Variants in TDRD5 observed in about 807,000 individuals in gnomAD.
TDRD5 encodes tudor domain containing 5, also known as tudor domain-containing protein 5.
Under a neutral mutation model 120.6 loss-of-function variants are expected in TDRD5, and 41 were observed. The ratio of observed to expected loss-of-function variants is 0.34; its 90% CI spans 0.26 to 0.44. The LOEUF is 0.44. TDRD5 is among the 20% of genes least tolerant of loss of function. The pLI, the probability that TDRD5 is intolerant of heterozygous loss-of-function variation, is 1.00. For synonymous variants in TDRD5, 430 were observed against 433.7 expected (o/e 0.99, Z 0.11); for missense variants, 1,006 against 1,221.2 (o/e 0.82, Z 2.63).
chr1:179,633,947 A>G (rs903235663), intron 7 of TDRD5, among the ~76,000 whole-genome samples: 5 of 151,740 alleles, frequency 3.3e-5, no homozygotes, highest in Non-Finnish European at 7.4e-5. Context: ...CGAGGCGGGC[A>G]GATCACGAGG....
At chr1:179,666,013 T>A (rs1679537979) in intron 16 of TDRD5, among the ~76,000 whole-genome samples, 1 of 152,168 alleles carries the variant, frequency 6.6e-6, no homozygotes, top group East Asian at 1.9e-4. Flanking sequence ...CATTCCAAAT[T>A]TTTTTAATCC....
rs373259964 is a variant in TDRD5 at position 179,635,660 on chromosome 1, C to A, written c.1300-7C>A. The stretch of plus-strand genomic sequence containing the variant: ...GAGATTTTTAATTTTTTTTTTCTAA[C>A]TTATAGCAAGTAGAAACAAACAAAT... On this transcript the variant is annotated splice_polypyrimidine_tract_variant and splice_region_variant and intron_variant, in intron 8 of 17. Transcript: ENST00000444136. 28 of 1,609,950 alleles carry A rather than the reference C, an allele frequency of 1.7e-5. No homozygotes were observed. The highest frequency in any genetic ancestry group is 2.3e-5 in the Non-Finnish European group (27 of 1,178,448).
chr1:179,661,746 AG>A (rs1430689271), intron 14 of TDRD5, among the ~76,000 whole-genome samples: 3 of 152,080 alleles, frequency 2.0e-5, no homozygotes, highest in Non-Finnish European at 4.4e-5. Context: ...AAAACCTTTT[AG>A]TACAAATTTC....
chr1:179,631,219 G>A (rs144428836), intron 7 of TDRD5, among the ~76,000 whole-genome samples: 1,532 of 152,082 alleles, frequency 0.01, 31 homozygotes, highest in African/African-American at 0.034. Context: ...GTGAAACCCC[G>A]TCTCTACTAA....
At chr1:179,679,171 G>T (rs1475149333) in intron 17 of TDRD5, among the ~76,000 whole-genome samples, 1 of 152,034 alleles carries the variant, frequency 6.6e-6, no homozygotes, top group Non-Finnish European at 1.5e-5. Flanking sequence ...GAATTATATC[G>T]ATTTTCAAAT....
chr1:179,634,557 T>G lies in TDRD5; in HGVS notation c.1227T>G (p.Pro409=), dbSNP rs1677654339. Residue 409 remains proline, a synonymous_variant, in exon 8 of 18, where the codon CCT becomes CCG. Transcript: ENST00000444136. ...AAVKETVWNC[P]SKKQKEPQQK... ...TCAAAGAGACTGTATGGAATTGCCC[T>G]TCAAAAAAACAAAAAGAGCCACAAC... 6.2e-7 allele frequency: 1 copy of G among 1,613,736 alleles called. No homozygotes were observed. Among genetic ancestry groups the G allele is most frequent in the South Asian group, 1.1e-5 (1 of 91,006 alleles).
Position 179,690,724 on chromosome 1 carries a change from T to C in TDRD5, c.2889T>C (p.Asn963=), listed in dbSNP as rs750083325. 6 of 1,614,058 alleles carry C rather than the reference T, an allele frequency of 3.7e-6. No homozygotes were observed. The highest frequency in any genetic ancestry group is 1.7e-4 in the Middle Eastern group (1 of 6,060). The change falls in exon 18 of 18, where the codon AAT becomes AAC. Residue 963 remains asparagine, a synonymous_variant. Transcript: ENST00000444136. ...AAAGCTCACCAGAGATCCTAAAGAA[T>C]GAAGATTTTTCTAGCAGCCGTGCTA... ...SVESSPEILK[N]EDFSSSRAIT... is the part of the protein sequence containing the mutation.
At chr1:179,632,182 A>C (rs1405636694) in intron 7 of TDRD5, among the ~76,000 whole-genome samples, 2 of 152,050 alleles carry the variant, frequency 1.3e-5, no homozygotes, top group Non-Finnish European at 2.9e-5. Context: ...CTGGGATTAC[A>C]GGCGTGAGAC....
intron 3 of TDRD5, among the ~76,000 whole-genome samples, chr1:179,594,274 A>G (rs1675271879): frequency 1.3e-5 from 2 of 152,198 alleles, no homozygotes; most frequent in African/African-American, 2.4e-5. Context: ...TAACCCTTCT[A>G]ATCTTTGCCA....
At chr1:179,593,366 T>G in intron 2 of TDRD5, 94 bp from the exon 3 acceptor site, 1 of 1,363,860 alleles carries the variant, frequency 7.3e-7, no homozygotes. Flanking sequence ...AAACAGCTCC[T>G]TGGAGAGTTA....
intron 10 of TDRD5, 111 bp downstream of exon 10, chr1:179,640,162 C>T (rs1433319852): frequency 1.6e-6 from 2 of 1,232,098 alleles, no homozygotes; most frequent in African/African-American, 1.5e-5. Context: ...TCCAATCCTT[C>T]CTTCCTTCTT....
Position 179,592,826 on chromosome 1 carries a change from G to GGT in TDRD5, c.213_214dup (p.Gly72ValfsTer4). On this transcript the variant is annotated frameshift_variant, in exon 2 of 18. Transcript: ENST00000444136. LOFTEE classifies it high-confidence loss of function. ...TGTTGTTCGTGTCTGCCCCGGTGCA[G>GGT]GTGGTACTGTAATACTGAAAGGTAG... The GGT allele has an allele frequency of 6.2e-7, 1 of 1,614,188 alleles. No homozygotes were observed. Among genetic ancestry groups the GGT allele is most frequent in the Non-Finnish European group, 8.5e-7 (1 of 1,180,038 alleles).
chr1:179,641,399 G>T (rs1306068004), intron 11 of TDRD5, among the ~76,000 whole-genome samples: 1 of 152,020 alleles, frequency 6.6e-6, no homozygotes, highest in Non-Finnish European at 1.5e-5. Context: ...GCGTGGTGGT[G>T]GGCGCCTGTA....
intron 17 of TDRD5, among the ~76,000 whole-genome samples, chr1:179,681,929 TTTC>T (rs1416962176): frequency 1.3e-3 from 11 of 8,572 alleles, no homozygotes; most frequent in African/African-American, 4.8e-3. Flanking sequence ...TCAGTGTGTT[TTTC>T]TTTTTCTTTT....
intron 6 of TDRD5, among the ~76,000 whole-genome samples, chr1:179,630,364 C>T (rs1677367125): frequency 6.6e-6 from 1 of 152,154 alleles, no homozygotes; most frequent in Non-Finnish European, 1.5e-5. Context: ...AATTTCTGTA[C>T]ATGTCGGAAG....
intron 17 of TDRD5, 88 bp from the exon 18 acceptor site, chr1:179,690,608 C>T: frequency 6.6e-7 from 1 of 1,507,958 alleles, no homozygotes; most frequent in Non-Finnish European, 8.9e-7. Context: ...GATTGTAACA[C>T]ATATTAGTAT....
intron 4 of TDRD5, among the ~76,000 whole-genome samples, chr1:179,607,339 A>G (rs547718075): frequency 1.3e-5 from 2 of 152,064 alleles, no homozygotes; most frequent in South Asian, 2.1e-4. Context: ...ATTCTGTCCT[A>G]TTTTCTACAT....
At chr1:179,687,099 T>A (rs2147824230) in intron 17 of TDRD5, among the ~76,000 whole-genome samples, 1 of 152,328 alleles carries the variant, frequency 6.6e-6, no homozygotes, top group Non-Finnish European at 1.5e-5. Flanking sequence ...TGAATGTGTT[T>A]GCTCTTGCTT....
At chr1:179,592,359 A>G (rs1002460043) in intron 1 of TDRD5, 4 of 430,634 alleles carry the variant, frequency 9.3e-6, no homozygotes, top group South Asian at 7.1e-5. Context: ...CAGGAACCCC[A>G]GTTAACGCCT....
Sources: allele counts gnomAD v4.1 joint callset (sites outside exome capture counted in the v4.1 genomes callset), GRCh38; gene constraint gnomAD v4.1.1; transcripts MANE v1.5; gene names NCBI Gene and HGNC (gene_info 2026-07-23, HGNC 2026-07-21).